Variants in THEMIS observed in about 807,000 individuals in gnomAD.
THEMIS encodes thymocyte selection associated, also known as protein THEMIS.
In THEMIS, 37 loss-of-function variants were observed where a neutral mutation model predicts 52.6. The observed-to-expected ratio is 0.70, with a 90% confidence interval of 0.54 to 0.93. The LOEUF is 0.93. THEMIS is among the 40% of genes least tolerant of loss of function. The pLI is 0.00. For missense variants in THEMIS, 808 were observed against 763.1 expected, an observed-to-expected ratio of 1.06 and a Z score of -0.69; for synonymous variants, 292 against 272.7, an observed-to-expected ratio of 1.07 and a Z score of -0.70.
intron 2 of THEMIS, among the ~76,000 whole-genome samples, chr6:127,845,677 T>C (rs1193556698): frequency 1.3e-5 from 2 of 151,888 alleles, no homozygotes; most frequent in Non-Finnish European, 2.9e-5. Flanking sequence ...CATTTTGAAC[T>C]CATTATTGGG....
chr6:127,809,849 T>A (rs1777840388), intron 4 of THEMIS, among the ~76,000 whole-genome samples: 1 of 149,974 alleles, frequency 6.7e-6, no homozygotes, highest in African/African-American at 2.5e-5. Context: ...TCATCTAGTA[T>A]CAAGTCTTCC....
intron 4 of THEMIS, among the ~76,000 whole-genome samples, chr6:127,748,593 A>C (rs890295770): frequency 5.3e-5 from 8 of 152,080 alleles, no homozygotes; most frequent in Non-Finnish European, 7.4e-5. Context: ...CAACACATGA[A>C]TACTGGAGGA....
intron 4 of THEMIS, chr6:127,807,136 G>C (rs752466710): frequency 6.1e-6 from 1 of 162,910 alleles, no homozygotes; most frequent in South Asian, 1.4e-4. Context: ...GCCCAGGTGG[G>C]TGGATCACAA....
chr6:127,799,545 TTCTTTCTA>T lies in THEMIS; in HGVS notation c.1758+13330_1758+13337del, dbSNP rs1356637859. Among the ~76,000 whole-genome samples, 152 of 79,332 alleles carry T rather than the reference TTCTTTCTA, an allele frequency of 1.9e-3. 1 individual carries two copies. Among genetic ancestry groups the T allele is most frequent in the African/African-American group, 4.8e-3 (143 of 29,524 alleles). 52.0% of individuals were successfully genotyped at this position (79,332 alleles called of 152,430 possible). On this transcript the variant is annotated intron_variant, in intron 4 of 5. Transcript: ENST00000368248. ...TCTTTCTTTCTCTTTCTTTCTTTCTTTCTTTCTATCTTTCTTTCTTTCTTTCTTTCTTT... is the reference window on the plus strand; with the variant it reads ...TCTTTCTTTCTCTTTCTTTCTTTCTTTCTTTCTTTCTTTCTTTCTTTCTTT...
intron 4 of THEMIS, among the ~76,000 whole-genome samples, chr6:127,811,721 A>C (rs1230630685): frequency 6.6e-6 from 1 of 152,196 alleles, no homozygotes. Context: ...CTCACTATTC[A>C]GTTCAGTAAT....
At chr6:127,883,695 C>G (rs1390709395) in intron 1 of THEMIS, among the ~76,000 whole-genome samples, 1 of 151,946 alleles carries the variant, frequency 6.6e-6, no homozygotes, top group African/African-American at 2.4e-5. Flanking sequence ...AGTACAGTAT[C>G]AATGTGTTAC....
chr6:127,766,760 T>G (rs1776213563), intron 4 of THEMIS, among the ~76,000 whole-genome samples: 1 of 152,254 alleles, frequency 6.6e-6, no homozygotes, highest in Non-Finnish European at 1.5e-5. Flanking sequence ...AGTAAAAATA[T>G]GATATAAAAG....
intron 1 of THEMIS, chr6:127,868,441 G>A: frequency 6.1e-6 from 6 of 985,320 alleles, no homozygotes; most frequent in Non-Finnish European, 7.2e-6. Flanking sequence ...GACTTAGATT[G>A]GGGATAAAGA....
chr6:127,835,131 C>T (rs372735592), intron 2 of THEMIS, among the ~76,000 whole-genome samples: 1 of 152,124 alleles, frequency 6.6e-6, no homozygotes, highest in African/African-American at 2.4e-5. Context: ...CTAGAAAGAA[C>T]CTCCACAGAC....
intron 1 of THEMIS, among the ~76,000 whole-genome samples, chr6:127,907,397 G>C (rs966406342): frequency 4.5e-5 from 5 of 112,128 alleles, no homozygotes; most frequent in African/African-American, 7.1e-5. Context: ...ATATCCTGCT[G>C]TTGTGTGACA....
intron 1 of THEMIS, among the ~76,000 whole-genome samples, chr6:127,868,778 T>C (rs1411643571): frequency 6.6e-6 from 1 of 152,188 alleles, no homozygotes; most frequent in Non-Finnish European, 1.5e-5. Context: ...GTAACTATTA[T>C]ACCAGGCAAG....
At chr6:127,847,518 C>T (rs564720893) in intron 2 of THEMIS, among the ~76,000 whole-genome samples, 53 of 152,002 alleles carry the variant, frequency 3.5e-4, no homozygotes, top group African/African-American at 1.3e-3. Context: ...AAATCAAGAA[C>T]GCAATCCCTT....
downstream of THEMIS, among the ~76,000 whole-genome samples, chr6:127,706,273 G>A (rs910361813): frequency 1.3e-5 from 2 of 151,984 alleles, no homozygotes; most frequent in African/African-American, 2.4e-5. Flanking sequence ...CTCAGACAAA[G>A]CTCCAAGCAC....
intron 1 of THEMIS, among the ~76,000 whole-genome samples, chr6:127,910,268 A>G (rs999560522): frequency 6.6e-6 from 1 of 152,050 alleles, no homozygotes; most frequent in African/African-American, 2.4e-5. Context: ...CTTTTTTCCA[A>G]TTAAACTCTG....
At chr6:127,906,944 G>A (rs1463543395) in intron 1 of THEMIS, among the ~76,000 whole-genome samples, 2 of 147,450 alleles carry the variant, frequency 1.4e-5, no homozygotes, top group East Asian at 4.6e-4. Flanking sequence ...CTGTCTGAAT[G>A]TTAAAAAACA....
intron 4 of THEMIS, among the ~76,000 whole-genome samples, chr6:127,746,227 T>A (rs889488614): frequency 1.3e-5 from 2 of 151,766 alleles, no homozygotes; most frequent in African/African-American, 4.8e-5. Flanking sequence ...TCTGTTTCAC[T>A]GAAAAATATA....
At chr6:127,775,671 C>T (rs1231118487) in intron 4 of THEMIS, among the ~76,000 whole-genome samples, 2 of 151,634 alleles carry the variant, frequency 1.3e-5, no homozygotes, top group Admixed American at 6.6e-5. Flanking sequence ...TTCCCCACCC[C>T]TGGCAAAAAA....
At chr6:127,889,298 G>T (rs545342278) in intron 1 of THEMIS, among the ~76,000 whole-genome samples, 2 of 152,076 alleles carry the variant, frequency 1.3e-5, no homozygotes, top group Non-Finnish European at 2.9e-5. Flanking sequence ...AGCATACCAT[G>T]TACTCAAAAG....
rs538044643 is a variant in THEMIS at position 127,777,913 on chromosome 6, A to G, written c.1758+34970T>C. ...TCCAGAGGGGTGACTAGGTTCCCCA[A>G]TATATGAATCACAAGAATCTACTCT... On this transcript the variant is annotated intron_variant, in intron 4 of 5. Transcript: ENST00000368248. 4.6e-5 allele frequency among the ~76,000 whole-genome samples: 7 copies of G among 152,246 alleles called. No individual in the cohort carries two copies. In the East Asian group the frequency reaches 1.4e-3, roughly 29 times the overall value.
Sources: allele counts gnomAD v4.1 joint callset (sites outside exome capture counted in the v4.1 genomes callset), GRCh38; gene constraint gnomAD v4.1.1; transcripts MANE v1.5; gene names NCBI Gene and HGNC (gene_info 2026-07-23, HGNC 2026-07-21).